Variants in BTBD9 observed in about 807,000 individuals in gnomAD.
The protein encoded by BTBD9 is BTB domain containing 9, also known as BTB/POZ domain-containing protein 9.
Under a neutral mutation model 64.3 loss-of-function variants are expected in BTBD9, and 49 were observed. The observed-to-expected ratio is 0.76, with a 90% confidence interval of 0.61 to 0.97. The LOEUF is 0.97. Among genes scored for constraint, BTBD9 ranks in the 50% least tolerant of loss-of-function variants. The pLI is 0.00. For synonymous variants in BTBD9, 260 were observed against 274.7 expected, an observed-to-expected ratio of 0.95 and a Z score of 0.53; for missense variants, 598 against 762.1, an observed-to-expected ratio of 0.78 and a Z score of 2.53.
intron 4 of BTBD9, among the ~76,000 whole-genome samples, chr6:38,591,091 C>G (rs1776772116): frequency 6.6e-6 from 1 of 152,152 alleles, no homozygotes; most frequent in Admixed American, 6.5e-5. Flanking sequence ...TCTTTCAAAA[C>G]CACCACTGCA....
In BTBD9 at chr6:38,169,690, G is replaced by A. The variant is rs1766669182; in HGVS notation, c.*5295C>T. ...AGTGACAGCCTTGGGGAGGCTGAGGGGGCTCTGTCAACCAGGGGACACTAG... is the reference window on the plus strand; with the variant it reads ...AGTGACAGCCTTGGGGAGGCTGAGGAGGCTCTGTCAACCAGGGGACACTAG... On this transcript the variant is annotated 3_prime_UTR_variant, in exon 11 of 11. Coordinates refer to ENST00000481247, the MANE Select transcript of BTBD9 (RefSeq NM_001099272.2). The A allele has an allele frequency of 6.6e-6, 1 of 152,282 alleles. No individual in the cohort carries two copies. Among genetic ancestry groups the A allele is most frequent in the African/African-American group, 2.4e-5 (1 of 41,452 alleles). 9.4% of individuals were successfully genotyped at this position (152,282 alleles called of 1,614,324 possible). A position where few individuals can be genotyped will look rare whatever the true frequency, so the allele number is the denominator to read the frequency against.
chr6:38,391,357 C>T (rs2127622828), intron 6 of BTBD9, among the ~76,000 whole-genome samples: 1 of 152,310 alleles, frequency 6.6e-6, no homozygotes, highest in Middle Eastern at 3.4e-3. Context: ...ATATAGGTCA[C>T]AGTACCCATT....
chr6:38,491,518 T>G lies in BTBD9; in HGVS notation c.1154+86082A>C, dbSNP rs78621065. Among the ~76,000 whole-genome samples, 1,060 of 152,368 alleles carry G rather than the reference T, an allele frequency of 7.0e-3. 12 individuals are homozygous for G. Among genetic ancestry groups the G allele is most frequent in the African/African-American group, 0.024 (997 of 41,596 alleles). ...CCTGTTTTCTTCACTTTATTGCTACTTTAGTAGTTATTTATCCTTTCCATT... is the reference window on the plus strand; with the variant it reads ...CCTGTTTTCTTCACTTTATTGCTACGTTAGTAGTTATTTATCCTTTCCATT... On this transcript the variant is annotated intron_variant, in intron 6 of 10. Coordinates refer to ENST00000481247, the MANE Select transcript of BTBD9 (RefSeq NM_001099272.2).
rs1327512678 is a variant in BTBD9, at chr6:38,575,057, G to A, written c.1154+2543C>T. ...TCATCAATACATGACACATTCTTCA[G>A]GAATAACCTCCAAATTCAGTTTCCT... is the stretch of plus-strand genomic sequence containing the variant. On this transcript the variant is annotated intron_variant, in intron 6 of 10. Coordinates refer to ENST00000481247, the MANE Select transcript of BTBD9 (RefSeq NM_001099272.2). Among the ~76,000 whole-genome samples the A allele has an allele frequency of 2.0e-5, 3 of 152,116 alleles. No homozygotes were observed. The East Asian group carries it at 5.8e-4, about 29-fold the overall frequency.
intron 6 of BTBD9, among the ~76,000 whole-genome samples, chr6:38,556,872 C>T (rs1219401543): frequency 6.6e-6 from 1 of 150,672 alleles, no homozygotes; most frequent in East Asian, 2.0e-4. Flanking sequence ...CAAAAATTAG[C>T]CAGATGTAGT....
At chr6:38,465,944 T>C (rs1198698351) in intron 6 of BTBD9, among the ~76,000 whole-genome samples, 2 of 145,568 alleles carry the variant, frequency 1.4e-5, no homozygotes, top group African/African-American at 5.1e-5. Context: ...AATCCTCTCA[T>C]CGCAGCCTCC....
intron 6 of BTBD9, among the ~76,000 whole-genome samples, chr6:38,364,793 A>G (rs995612230): frequency 6.6e-6 from 1 of 152,224 alleles, no homozygotes; most frequent in Non-Finnish European, 1.5e-5. Context: ...ATACTAACAT[A>G]TCATACACTG....
chr6:38,316,666 G>A (rs1372130579), intron 7 of BTBD9, among the ~76,000 whole-genome samples: 1 of 152,090 alleles, frequency 6.6e-6, no homozygotes, highest in Non-Finnish European at 1.5e-5. Flanking sequence ...AAAAGTTGTT[G>A]TAGTTATTAT....
intron 7 of BTBD9, among the ~76,000 whole-genome samples, chr6:38,317,636 C>A (rs1183369323): frequency 6.6e-6 from 1 of 152,102 alleles, no homozygotes; most frequent in Non-Finnish European, 1.5e-5. Context: ...TAGGTTTGCC[C>A]TTCTGAGGCT....
intron 8 of BTBD9, among the ~76,000 whole-genome samples, chr6:38,279,944 C>A (rs7739762): frequency 0.16 from 24,366 of 152,140 alleles, 2,026 homozygotes; most frequent in Admixed American, 0.18. Flanking sequence ...CCAAGTTCTC[C>A]AATCACTCAA....
intron 1 of BTBD9, among the ~76,000 whole-genome samples, chr6:38,639,583 A>G (rs1008331079): frequency 1.3e-5 from 2 of 151,840 alleles, no homozygotes; most frequent in African/African-American, 4.8e-5. Context: ...ACTTCCCACT[A>G]CACCTTCGTG....
At chr6:38,609,996 G>A (rs1562416112) in intron 1 of BTBD9, among the ~76,000 whole-genome samples, 1 of 152,272 alleles carries the variant, frequency 6.6e-6, no homozygotes, top group East Asian at 1.9e-4. Context: ...TAAATATACT[G>A]ACACAAGAAG....
At chr6:38,388,978 GA>G (rs1056948011) in intron 6 of BTBD9, among the ~76,000 whole-genome samples, 25 of 152,086 alleles carry the variant, frequency 1.6e-4, no homozygotes, top group African/African-American at 5.8e-4. Flanking sequence ...AACAAAGGGG[GA>G]AAATGACAAC....
At chr6:38,460,301 C>A (rs549509868) in intron 6 of BTBD9, among the ~76,000 whole-genome samples, 2 of 152,314 alleles carry the variant, frequency 1.3e-5, no homozygotes, top group East Asian at 3.9e-4. Flanking sequence ...AATCATCAAA[C>A]AGCTGGATCC....
At chr6:38,598,927 A>G (rs534773277) in intron 1 of BTBD9, among the ~76,000 whole-genome samples, 3 of 151,644 alleles carry the variant, frequency 2.0e-5, no homozygotes, top group African/African-American at 7.3e-5. Flanking sequence ...CAAAAAAAAT[A>G]ATAATAATAA....
intron 1 of BTBD9, among the ~76,000 whole-genome samples, chr6:38,638,622 G>A (rs562821360): frequency 6.6e-6 from 1 of 152,302 alleles, no homozygotes; most frequent in East Asian, 1.9e-4. Flanking sequence ...ACAAAGCAAG[G>A]TTATTACTGG....
chr6:38,386,386 A>G (rs376103637), intron 6 of BTBD9, among the ~76,000 whole-genome samples: 1 of 152,144 alleles, frequency 6.6e-6, no homozygotes, highest in Non-Finnish European at 1.5e-5. Flanking sequence ...AGAAAATAAC[A>G]TAAGATTAAA....
intron 6 of BTBD9, among the ~76,000 whole-genome samples, chr6:38,386,771 T>C (rs1344133450): frequency 6.6e-6 from 1 of 151,674 alleles, no homozygotes. Flanking sequence ...GCCTCCCAAG[T>C]AGCTGGGACT....
At chr6:38,586,762 T>C (rs1387636914) in intron 4 of BTBD9, among the ~76,000 whole-genome samples, 1 of 152,232 alleles carries the variant, frequency 6.6e-6, no homozygotes, top group Non-Finnish European at 1.5e-5. Flanking sequence ...ATGTCATGAA[T>C]GTTAAGATAA....
Sources: gnomAD v4.1 joint callset for allele counts (sites outside exome capture counted in the v4.1 genomes callset) on GRCh38, gnomAD v4.1.1 for gene constraint, MANE v1.5 for transcripts, NCBI Gene and HGNC (gene_info 2026-07-23, HGNC 2026-07-21) for gene names.